Variants in MAMDC2 observed in about 807,000 individuals in gnomAD.
The protein encoded by MAMDC2 is MAM domain containing 2.
A neutral mutation model predicts 89.8 loss-of-function variants in MAMDC2; 57 were observed. That is an observed-to-expected ratio of 0.63 (90% CI 0.51 to 0.79). MAMDC2 has a LOEUF of 0.79. Ranked by LOEUF, MAMDC2 falls within the 30% of genes least tolerant of loss-of-function variation. The probability of loss-of-function intolerance (pLI) is 0.00; values close to 1 mark genes in which losing one functional copy is unlikely to be tolerated. For missense variants in MAMDC2, 800 were observed against 820.6 expected (o/e 0.97, Z 0.31); for synonymous variants, 313 against 293.4 (o/e 1.07, Z -0.68).
intron 12 of MAMDC2, among the ~76,000 whole-genome samples, chr9:70,225,318 T>G (rs1262349295): frequency 6.6e-6 from 1 of 152,206 alleles, no homozygotes; most frequent in East Asian, 1.9e-4. Flanking sequence ...ATTAAATTTT[T>G]CCACCTCGTA....
At chr9:70,219,985 A>T (rs1268592909) in intron 12 of MAMDC2, among the ~76,000 whole-genome samples, 1 of 152,188 alleles carries the variant, frequency 6.6e-6, no homozygotes, top group Admixed American at 6.6e-5. Flanking sequence ...GTCCCACTTT[A>T]AAACGAATGA....
At chr9:70,102,973 C>A (rs1828234628) in intron 2 of MAMDC2, among the ~76,000 whole-genome samples, 1 of 152,188 alleles carries the variant, frequency 6.6e-6, no homozygotes, top group African/African-American at 2.4e-5. Flanking sequence ...TTTACTCTAA[C>A]ATCTCTGAAG....
intron 6 of MAMDC2, 77 bp from the exon 7 acceptor site, chr9:70,131,442 C>G: frequency 1.0e-6 from 1 of 955,362 alleles, no homozygotes; most frequent in South Asian, 1.6e-5. Flanking sequence ...ATTGACATGT[C>G]ATTTTAAATC....
chr9:70,187,099 A>C (rs2032772830), intron 11 of MAMDC2, among the ~76,000 whole-genome samples: 1 of 151,930 alleles, frequency 6.6e-6, no homozygotes, highest in Admixed American at 6.6e-5. Flanking sequence ...GGTTTCATTA[A>C]ATTTCTTTAA....
chr9:70,068,921 T>G (rs577561323), intron 2 of MAMDC2, among the ~76,000 whole-genome samples: 6 of 152,238 alleles, frequency 3.9e-5, no homozygotes, highest in African/African-American at 1.4e-4. Flanking sequence ...TGAATGGGTA[T>G]GATTTAAAAG....
At chr9:70,203,788 C>T (rs1249507651) in intron 11 of MAMDC2, among the ~76,000 whole-genome samples, 73 of 127,150 alleles carry the variant, frequency 5.7e-4, no homozygotes, top group African/African-American at 1.7e-3. Context: ...CTTCCCTTCT[C>T]GCTTCATTTC....
At chr9:70,204,733 G>T (rs944297520) in intron 11 of MAMDC2, among the ~76,000 whole-genome samples, 4 of 152,048 alleles carry the variant, frequency 2.6e-5, no homozygotes, top group Non-Finnish European at 5.9e-5. Flanking sequence ...GACCCTCCGA[G>T]CCAGGTGTGG....
chr9:70,166,064 A>G (rs2032159943), intron 9 of MAMDC2, among the ~76,000 whole-genome samples: 1 of 152,026 alleles, frequency 6.6e-6, no homozygotes, highest in African/African-American at 2.4e-5. Context: ...AACATGGCGA[A>G]ACTGCATCTC....
chr9:70,183,899 T>C (rs974798913), intron 11 of MAMDC2, among the ~76,000 whole-genome samples: 4 of 151,894 alleles, frequency 2.6e-5, no homozygotes, highest in African/African-American at 9.7e-5. Context: ...GATTCTGTCA[T>C]TGTGTGAATT....
At chr9:70,047,084 C>A (rs1826771749) in intron 2 of MAMDC2, among the ~76,000 whole-genome samples, 1 of 152,212 alleles carries the variant, frequency 6.6e-6, no homozygotes, top group African/African-American at 2.4e-5. Context: ...AAATGCACTT[C>A]TTCCTGCAGA....
chr9:70,086,254 T>C (rs1431782338), intron 2 of MAMDC2: 2 of 152,162 alleles, frequency 1.3e-5, no homozygotes, highest in Non-Finnish European at 2.9e-5. Flanking sequence ...ATAAAAATAC[T>C]GTTATATGCT....
In MAMDC2 at chr9:70,111,908, G is replaced by A. The variant is rs188000560; in HGVS notation, c.506-1087G>A. ...CTTTTGGTCTGAAAGGACAAGGGAG[G>A]AGGAGTTTCCAGTACCTGTAAACAA... is the stretch of plus-strand genomic sequence containing the variant. On this transcript the variant is annotated intron_variant, in intron 4 of 13. Transcript: ENST00000377182. 5.1e-4 allele frequency among the ~76,000 whole-genome samples: 78 copies of A among 152,326 alleles called. 1 individual carries two copies. Among genetic ancestry groups the A allele is most frequent in the Middle Eastern group, 3.4e-3 (1 of 294 alleles).
At chr9:70,113,606 C>G (rs999318591) in intron 5 of MAMDC2, 1 of 153,986 alleles carries the variant, frequency 6.5e-6, no homozygotes, top group Non-Finnish European at 1.4e-5. Flanking sequence ...GCAACAGGCC[C>G]CCCTAGTGGC....
intron 11 of MAMDC2, among the ~76,000 whole-genome samples, chr9:70,214,462 A>G (rs2033409787): frequency 6.6e-6 from 1 of 152,208 alleles, no homozygotes; most frequent in Non-Finnish European, 1.5e-5. Context: ...TAGGAATGAG[A>G]CAGGTAAGAG....
At chr9:70,206,600 CTTTG>C (rs774156240) in intron 11 of MAMDC2, among the ~76,000 whole-genome samples, 1 of 151,988 alleles carries the variant, frequency 6.6e-6, no homozygotes, top group African/African-American at 2.4e-5. Context: ...ACATAGGAGA[CTTTG>C]TTTCATATTT....
In MAMDC2 at chr9:70,150,789, A is replaced by C. The variant is rs2031555746; in HGVS notation, c.1404+6970A>C. On this transcript the variant is annotated intron_variant, in intron 9 of 13. Coordinates refer to ENST00000377182, the MANE Select transcript of MAMDC2 (RefSeq NM_153267.5). The stretch of plus-strand genomic sequence containing the variant: ...GCCACCATCATTTCTTACTTAAATG[A>C]CTTCAATATCTTCGTAGCTGGATCT... Among the ~76,000 whole-genome samples, 5 of 152,054 alleles carry C rather than the reference A, an allele frequency of 3.3e-5. No homozygotes were observed. In the South Asian group the frequency reaches 1.0e-3, roughly 32 times the overall value.
intron 5 of MAMDC2, among the ~76,000 whole-genome samples, chr9:70,119,907 A>C (rs1479409192): frequency 6.6e-6 from 1 of 152,194 alleles, no homozygotes; most frequent in African/African-American, 2.4e-5. Context: ...GCACATGGCC[A>C]AATTCTGGCA....
intron 11 of MAMDC2, among the ~76,000 whole-genome samples, chr9:70,198,162 A>G (rs568044621): frequency 0.015 from 435 of 28,086 alleles, 1 homozygote; most frequent in African/African-American, 0.031. Context: ...GTATGTGTGT[A>G]TATATATATA....
Position 70,054,146 on chromosome 9 carries a change from G to C in MAMDC2, c.148+9449G>C, listed in dbSNP as rs143834235. Among the ~76,000 whole-genome samples the C allele has an allele frequency of 3.9e-3, 587 of 152,260 alleles. 2 individuals carry two copies. Among genetic ancestry groups the C allele is most frequent in the African/African-American group, 0.014 (561 of 41,546 alleles). On this transcript the variant is annotated intron_variant, in intron 2 of 13. Transcript: ENST00000377182. ...ACATCCAAGTGGAGACTTCGAGCAG[G>C]GCATTGATGTAAGAATCTAAAGATC...
Sources: allele counts gnomAD v4.1 joint callset (sites outside exome capture counted in the v4.1 genomes callset), GRCh38; gene constraint gnomAD v4.1.1; transcripts MANE v1.5; gene names NCBI Gene and HGNC (gene_info 2026-07-23, HGNC 2026-07-21).